The following FOXN3 variants were observed in gnomAD, a reference collection of about 807,000 sequenced individuals.
FOXN3 encodes the protein forkhead box N3.
FOXN3 carries 7 observed loss-of-function variants against 38.4 expected under a neutral mutation model. That is an observed-to-expected ratio of 0.18 (90% CI 0.10 to 0.34). The LOEUF (loss-of-function observed/expected upper bound fraction) is 0.34, where lower values mean the gene tolerates loss of function less well. Among genes scored for constraint, FOXN3 ranks in the 10% least tolerant of loss-of-function variants. FOXN3 has a pLI of 1.00. For missense variants in FOXN3, 456 were observed against 613.4 expected, an observed-to-expected ratio of 0.74 and a Z score of 2.71; for synonymous variants, 230 against 242.2, an observed-to-expected ratio of 0.95 and a Z score of 0.47.
At chr14:89,378,247 C>A (rs957387156) in intron 2 of FOXN3, among the ~76,000 whole-genome samples, 1 of 152,164 alleles carries the variant, frequency 6.6e-6, no homozygotes, top group African/African-American at 2.4e-5. Context: ...CAGGATAGTA[C>A]GTGAGTGTGC....
chr14:89,310,031 G>A (rs1887486019), intron 3 of FOXN3, among the ~76,000 whole-genome samples: 1 of 152,172 alleles, frequency 6.6e-6, no homozygotes, highest in Admixed American at 6.5e-5. Context: ...TGGGGACAGT[G>A]ACCAATGCTC....
chr14:89,165,100 A>G (rs1409113733), intron 5 of FOXN3, among the ~76,000 whole-genome samples: 6 of 152,122 alleles, frequency 3.9e-5, no homozygotes, highest in Non-Finnish European at 8.8e-5. Flanking sequence ...CAATGTGTGC[A>G]TTTGTACACG....
chr14:89,594,553 C>T (rs542973562), intron 1 of FOXN3, among the ~76,000 whole-genome samples: 14 of 152,142 alleles, frequency 9.2e-5, no homozygotes, highest in East Asian at 5.8e-4. Flanking sequence ...CATTTTTCTA[C>T]GGGGCTATTT....
intron 2 of FOXN3, among the ~76,000 whole-genome samples, chr14:89,382,654 C>T (rs1174996984): frequency 6.6e-6 from 1 of 152,226 alleles, no homozygotes; most frequent in African/African-American, 2.4e-5. Flanking sequence ...TCCTTCCTAG[C>T]TGTGTCACCT....
chr14:89,447,970 C>T lies in FOXN3; in HGVS notation c.-14-35480G>A, dbSNP rs143527446. Among the ~76,000 whole-genome samples, 1,211 of 151,962 alleles carry T rather than the reference C, an allele frequency of 8.0e-3. 15 individuals are homozygous for T. Among genetic ancestry groups the T allele is most frequent in the African/African-American group, 0.027 (1,127 of 41,428 alleles). On this transcript the variant is annotated intron_variant, in intron 1 of 6. Transcript: ENST00000345097. The stretch of plus-strand genomic sequence containing the variant: ...GTAGCATTAGAGGCACCTGCCAACA[C>T]GCCCAGCTAATTTTTGTATTTTTAG...
chr14:89,238,268 C>T (rs1450003361), intron 4 of FOXN3, among the ~76,000 whole-genome samples: 4 of 152,278 alleles, frequency 2.6e-5, no homozygotes, highest in South Asian at 2.1e-4. Flanking sequence ...TGTGTTTACC[C>T]GGTCCCTACA....
At chr14:89,352,986 A>G (rs1485981436) in intron 2 of FOXN3, among the ~76,000 whole-genome samples, 1 of 152,222 alleles carries the variant, frequency 6.6e-6, no homozygotes, top group African/African-American at 2.4e-5. Context: ...GTGAAACGCC[A>G]TCTCAAAACA....
intron 2 of FOXN3, among the ~76,000 whole-genome samples, chr14:89,373,801 G>T (rs1231965776): frequency 6.6e-6 from 1 of 151,944 alleles, no homozygotes; most frequent in East Asian, 1.9e-4. Flanking sequence ...TTTTGTCTTT[G>T]GAACTAGTAA....
intron 1 of FOXN3, among the ~76,000 whole-genome samples, chr14:89,485,668 T>G (rs895736769): frequency 3.3e-5 from 5 of 151,954 alleles, no homozygotes; most frequent in African/African-American, 1.2e-4. Context: ...AGCAGGACAG[T>G]GCCAGCCAAA....
chr14:89,557,413 A>T (rs1391731083), intron 1 of FOXN3, among the ~76,000 whole-genome samples: 1 of 152,144 alleles, frequency 6.6e-6, no homozygotes, highest in Non-Finnish European at 1.5e-5. Flanking sequence ...AGGTGGTGAG[A>T]TGTGCCAGTT....
chr14:89,572,464 C>T (rs1307373686), intron 1 of FOXN3, among the ~76,000 whole-genome samples: 2 of 152,212 alleles, frequency 1.3e-5, no homozygotes, highest in Non-Finnish European at 2.9e-5. Flanking sequence ...AGTTTCAGGG[C>T]AGCCCGAGAA....
chr14:89,399,660 C>T (rs952084289), intron 2 of FOXN3, among the ~76,000 whole-genome samples: 1 of 152,194 alleles, frequency 6.6e-6, no homozygotes, highest in Non-Finnish European at 1.5e-5. Flanking sequence ...ACAGCGACTA[C>T]TTTTGTCTGA....
rs537449807 is a variant in FOXN3 at position 89,519,148 on chromosome 14, G to A, written c.-15+99880C>T. On this transcript the variant is annotated intron_variant, in intron 1 of 6. Coordinates refer to the FOXN3 transcript ENST00000345097. ...TCAAGCTGGAGGGGTGGGGAGAAAC[G>A]GAGGTCAGACGAGTGGGCTAAGCCC... Among the ~76,000 whole-genome samples the A allele has an allele frequency of 1.2e-4, 19 of 152,174 alleles. No individual in the cohort carries two copies. In the South Asian group the frequency reaches 1.7e-3, roughly 13 times the overall value.
At chr14:89,343,744 G>T (rs1888686778) in intron 3 of FOXN3, among the ~76,000 whole-genome samples, 1 of 148,954 alleles carries the variant, frequency 6.7e-6, no homozygotes, top group Non-Finnish European at 1.5e-5. Flanking sequence ...AAAAAGATGA[G>T]AGTAAAAGAA....
At chr14:89,401,091 T>G (rs1211596751) in intron 2 of FOXN3, among the ~76,000 whole-genome samples, 1 of 152,160 alleles carries the variant, frequency 6.6e-6, no homozygotes, top group African/African-American at 2.4e-5. Context: ...CTGCTGAAAA[T>G]GCTTCTAAAA....
rs576032729 is a variant in FOXN3, at chr14:89,404,751, G to A, written c.543+7183C>T. On this transcript the variant is annotated intron_variant, in intron 2 of 5. Transcript: ENST00000557258. ...CCGGTGAGAAGGAGGCCGTCTTCAG[G>A]GAGAGCCATTTCCGACGCTGGACAA... 3.3e-5 allele frequency among the ~76,000 whole-genome samples: 5 copies of A among 152,116 alleles called. No homozygotes were observed. The East Asian group carries it at 7.7e-4, about 24-fold the overall frequency.
At chr14:89,406,270 A>G (rs1252078047) in intron 2 of FOXN3, among the ~76,000 whole-genome samples, 1 of 152,014 alleles carries the variant, frequency 6.6e-6, no homozygotes, top group African/African-American at 2.4e-5. Context: ...AAATCTTGAA[A>G]TTAGCTGGAT....
At chr14:89,455,920 G>C (rs1024467335) in intron 1 of FOXN3, among the ~76,000 whole-genome samples, 3 of 152,324 alleles carry the variant, frequency 2.0e-5, no homozygotes, top group Middle Eastern at 3.4e-3. Context: ...CACAGGCCAG[G>C]CGCGGTGGCT....
In FOXN3 at chr14:89,169,806, C is replaced by G. The variant is rs1596077996; in HGVS notation, c.852-6837G>C. Among the ~76,000 whole-genome samples, 6 of 152,016 alleles carry G rather than the reference C, an allele frequency of 3.9e-5. No homozygotes were observed. The South Asian group carries it at 1.2e-3, about 32-fold the overall frequency. On this transcript the variant is annotated intron_variant, in intron 5 of 5. Transcript: ENST00000557258. ...AAAATGGAATGAGGAGTAGGAGAAT[C>G]AATTTAAAATAATGCTAGAAACAAA...
Sources: allele counts gnomAD v4.1 joint callset (sites outside exome capture counted in the v4.1 genomes callset), GRCh38; gene constraint gnomAD v4.1.1; transcripts MANE v1.5; gene names NCBI Gene and HGNC (gene_info 2026-07-23, HGNC 2026-07-21).